ABCC4: variants seen among roughly 807,000 people sequenced by gnomAD.
ABCC4 encodes ATP-binding cassette sub-family C member 4.
ABCC4 carries 102 observed loss-of-function variants against 168.5 expected under a neutral mutation model. The observed-to-expected ratio is 0.61, with a 90% CI of 0.52 to 0.71. ABCC4 has a LOEUF of 0.71. Ranked by LOEUF, ABCC4 falls within the 30% of genes least tolerant of loss-of-function variation. The pLI, the probability that ABCC4 is intolerant of heterozygous loss-of-function variation, is 0.00. For missense variants in ABCC4, 1,402 were observed against 1,605.8 expected, an observed-to-expected ratio of 0.87 and a Z score of 2.17; for synonymous variants, 617 against 590.7, an observed-to-expected ratio of 1.04 and a Z score of -0.65.
intron 29 of ABCC4, among the ~76,000 whole-genome samples, chr13:95,041,427 A>G (rs571833878): frequency 8.7e-4 from 132 of 152,320 alleles, no homozygotes; most frequent in African/African-American, 2.7e-3. Context: ...GTCTTTGTGG[A>G]GAAGTATTCA....
At chr13:95,111,817 G>A (rs1219367874) in intron 20 of ABCC4, among the ~76,000 whole-genome samples, 5 of 152,090 alleles carry the variant, frequency 3.3e-5, no homozygotes, top group Admixed American at 2.0e-4. Flanking sequence ...CGATTTCATC[G>A]GGAGAGTAAT....
chr13:95,203,929 T>C (rs970388221), intron 8 of ABCC4, among the ~76,000 whole-genome samples: 1 of 152,154 alleles, frequency 6.6e-6, no homozygotes, highest in Non-Finnish European at 1.5e-5. Context: ...CTTGGGTCTG[T>C]ATTGGGCCCC....
chr13:95,155,649 C>A lies in ABCC4; in HGVS notation c.2455+5540G>T, dbSNP rs147356607. The stretch of plus-strand genomic sequence containing the variant: ...TAAATATACATACACACACATACTC[C>A]CCACGCACACACTGGAGAAAAACCA... On this transcript the variant is annotated intron_variant, in intron 19 of 30. Transcript: ENST00000645237. Among the ~76,000 whole-genome samples, 467 of 152,154 alleles carry A rather than the reference C, an allele frequency of 3.1e-3. 4 individuals are homozygous for A. The highest frequency in any genetic ancestry group is 2.1e-3 in the Non-Finnish European group (142 of 68,024).
At chr13:95,162,146 C>A (rs373668984) in intron 18 of ABCC4, among the ~76,000 whole-genome samples, 1 of 152,178 alleles carries the variant, frequency 6.6e-6, no homozygotes, top group Non-Finnish European at 1.5e-5. Flanking sequence ...ATTCCTAACT[C>A]CATCAACGGG....
chr13:95,114,955 A>G (rs1288662214), intron 20 of ABCC4, among the ~76,000 whole-genome samples: 1 of 152,190 alleles, frequency 6.6e-6, no homozygotes, highest in Non-Finnish European at 1.5e-5. Flanking sequence ...GATTACAACT[A>G]TTCTAAGTTG....
chr13:95,046,553 T>C (rs2032587320), intron 27 of ABCC4, among the ~76,000 whole-genome samples: 1 of 152,016 alleles, frequency 6.6e-6, no homozygotes, highest in South Asian at 2.1e-4. Context: ...TCATCTGAGG[T>C]CAGGAGTTCG....
intron 21 of ABCC4, among the ~76,000 whole-genome samples, chr13:95,081,804 C>T (rs1178740135): frequency 6.6e-6 from 1 of 151,900 alleles, no homozygotes; most frequent in Non-Finnish European, 1.5e-5. Context: ...AGTTCAAGAC[C>T]AGCCTGGCCA....
At chr13:95,064,713 G>A (rs1356693638) in intron 25 of ABCC4, among the ~76,000 whole-genome samples, 1 of 151,976 alleles carries the variant, frequency 6.6e-6, no homozygotes. Flanking sequence ...TCAAAGGTAG[G>A]GAACACTGAG....
chr13:95,067,637 T>A lies in ABCC4; in HGVS notation c.3210+4025A>T, dbSNP rs191179503. 5.3e-5 allele frequency among the ~76,000 whole-genome samples: 8 copies of A among 152,012 alleles called. 1 individual carries two copies. The highest frequency in any genetic ancestry group is 3.3e-4 in the Admixed American group (5 of 15,266). Reference sequence around the variant, plus strand: ...GTGATGCTGATCCCAGCCCCTGAGATGAGCAAGCAGGCAGGGCAAGTGGGA... The same window carrying A: ...GTGATGCTGATCCCAGCCCCTGAGAAGAGCAAGCAGGCAGGGCAAGTGGGA... On this transcript the variant is annotated intron_variant, in intron 25 of 30. Transcript: ENST00000645237.
chr13:95,254,691 T>G lies in ABCC4; in HGVS notation c.75-6938A>C, dbSNP rs11841205. Among the ~76,000 whole-genome samples, 1,198 of 152,332 alleles carry G rather than the reference T, an allele frequency of 7.9e-3. 29 individuals are homozygous for G. The East Asian group carries it at 0.087, about 11-fold the overall frequency. ...CCATCCAAGTCCTATTACTTCAACA[T>G]GCAAAGTATATCCAGAAACAGTCAC... On this transcript the variant is annotated intron_variant, in intron 1 of 30. Transcript: ENST00000645237.
chr13:95,083,170 A>C lies in ABCC4; in HGVS notation c.2656T>G (p.Ser886Ala). The part of the protein sequence containing the change: ...IFLRRYFLET[S>A]RDVKRLESTT... The stretch of plus-strand genomic sequence containing the variant: ...GATTCCAGGCGCTTCACATCTCTTG[A>C]CGTTTCCAAAAAATATCGCCGAAGA... Residue 886 changes from serine to alanine, a missense_variant, in exon 21 of 31, where the codon TCA becomes GCA. Physicochemically the swap from Ser to Ala is moderately conservative, Grantham distance 99 (BLOSUM62 1). Around this residue, in one of 3 missense-constraint regions of ABCC4, gnomAD observed 1,007 missense variants for 1,127.3 expected, o/e 0.89. Coordinates refer to ENST00000645237, the MANE Select transcript of ABCC4 (RefSeq NM_005845.5). 2 of 1,613,928 alleles carry C rather than the reference A, an allele frequency of 1.2e-6. No individual in the cohort carries two copies. The highest frequency in any genetic ancestry group is 1.7e-6 in the Non-Finnish European group (2 of 1,179,944).
intron 30 of ABCC4, among the ~76,000 whole-genome samples, chr13:95,022,570 A>C (rs2031153130): frequency 6.6e-6 from 1 of 152,214 alleles, no homozygotes; most frequent in African/African-American, 2.4e-5. Context: ...TTTGGGTGAA[A>C]AAGGACTTCA....
chr13:95,246,187 T>A (rs1180252915), intron 3 of ABCC4, among the ~76,000 whole-genome samples: 2 of 152,200 alleles, frequency 1.3e-5, no homozygotes, highest in Non-Finnish European at 2.9e-5. Flanking sequence ...TGATTTTTCA[T>A]GGAATGTCCA....
At chr13:95,109,953 T>C (rs754757241) in intron 20 of ABCC4, among the ~76,000 whole-genome samples, 2 of 151,800 alleles carry the variant, frequency 1.3e-5, no homozygotes, top group Non-Finnish European at 2.9e-5. Flanking sequence ...ACTCAGCATA[T>C]AGTAGGAGCT....
intron 19 of ABCC4, among the ~76,000 whole-genome samples, chr13:95,159,988 G>A (rs1413936262): frequency 2.0e-5 from 3 of 152,198 alleles, no homozygotes; most frequent in Admixed American, 6.5e-5. Flanking sequence ...TGCTAGGAAT[G>A]TATTAACATG....
chr13:95,177,891 G>A (rs1480045551), intron 12 of ABCC4, 98 bp from the exon 13 acceptor site: 1 of 1,493,404 alleles, frequency 6.7e-7, no homozygotes, highest in Non-Finnish European at 9.3e-7. Context: ...AACCCAAGAA[G>A]GTGCTTCACA....
intron 13 of ABCC4, among the ~76,000 whole-genome samples, chr13:95,173,169 CT>C (rs1160706024): frequency 6.6e-6 from 1 of 152,148 alleles, no homozygotes; most frequent in East Asian, 1.9e-4. Flanking sequence ...AAAGGTTGTA[CT>C]TTAGAGGGAG....
At chr13:95,080,065 C>G (rs2034037752) in intron 21 of ABCC4, among the ~76,000 whole-genome samples, 1 of 152,166 alleles carries the variant, frequency 6.6e-6, no homozygotes, top group Non-Finnish European at 1.5e-5. Flanking sequence ...ATCCCCTAAT[C>G]TTACTTAGCT....
chr13:95,040,534 C>G (rs1033543932), intron 29 of ABCC4, among the ~76,000 whole-genome samples: 4 of 152,206 alleles, frequency 2.6e-5, no homozygotes, highest in Non-Finnish European at 5.9e-5. Flanking sequence ...CCGCGCCCAG[C>G]CCCAGTTTGT....
Sources: gnomAD v4.1 joint callset for allele counts (sites outside exome capture counted in the v4.1 genomes callset) on GRCh38, gnomAD v4.1.1 for gene constraint, gnomAD v4.1.1 regional missense constraint, MANE v1.5 for transcripts, NCBI Gene and HGNC (gene_info 2026-07-23, HGNC 2026-07-21) for gene names.